Variants in P3H2 observed in about 807,000 individuals in gnomAD.
P3H2 encodes the protein prolyl 3-hydroxylase 2.
P3H2 carries 80 observed loss-of-function variants against 87.0 expected under a neutral mutation model. That is an observed-to-expected ratio of 0.92 (90% CI 0.77 to 1.11). The LOEUF (loss-of-function observed/expected upper bound fraction) is 1.11. Among genes scored for constraint, P3H2 ranks in the 50% least tolerant of loss-of-function variants. P3H2 has a pLI of 0.00. For missense variants in P3H2, 1,001 were observed against 923.9 expected (o/e 1.08, Z -1.08); for synonymous variants, 367 against 359.3 (o/e 1.02, Z -0.24).
chr3:190,113,246 T>C (rs966654753), intron 1 of P3H2, among the ~76,000 whole-genome samples: 1 of 152,220 alleles, frequency 6.6e-6, no homozygotes, highest in Non-Finnish European at 1.5e-5. Flanking sequence ...TGCTTTCCCT[T>C]CTTGATTTGT....
intron 1 of P3H2, among the ~76,000 whole-genome samples, chr3:190,118,338 T>C (rs2108529234): frequency 6.6e-6 from 1 of 151,946 alleles, no homozygotes. Flanking sequence ...CTGCTAACCT[T>C]ACATCCGAGA....
intron 1 of P3H2, among the ~76,000 whole-genome samples, chr3:190,047,017 T>C (rs993288779): frequency 2.1e-5 from 3 of 140,492 alleles, no homozygotes; most frequent in Admixed American, 7.5e-5. Flanking sequence ...CTAGAATATA[T>C]AAGAAACTCA....
intron 1 of P3H2, among the ~76,000 whole-genome samples, chr3:190,102,741 C>T (rs897630834): frequency 6.6e-6 from 1 of 152,194 alleles, no homozygotes; most frequent in Non-Finnish European, 1.5e-5. Flanking sequence ...GAATTGACCA[C>T]TTTGGAAAGA....
chr3:190,016,951 T>C (rs973222998), intron 1 of P3H2, among the ~76,000 whole-genome samples: 8 of 152,228 alleles, frequency 5.3e-5, no homozygotes, highest in African/African-American at 4.8e-5. Context: ...CCATTCCAGA[T>C]AGATCTAAGG....
chr3:190,107,037 G>A (rs1323584587), intron 1 of P3H2, among the ~76,000 whole-genome samples: 1 of 152,070 alleles, frequency 6.6e-6, no homozygotes, highest in Non-Finnish European at 1.5e-5. Context: ...GACTTTTTAA[G>A]TCTGTTAAAG....
chr3:190,069,141 G>T (rs148243590), intron 1 of P3H2, among the ~76,000 whole-genome samples: 71 of 152,152 alleles, frequency 4.7e-4, no homozygotes, highest in Non-Finnish European at 7.6e-4. Flanking sequence ...AAATACTTGG[G>T]TAATTAAGGA....
chr3:190,089,348 C>A (rs150726669), intron 1 of P3H2, among the ~76,000 whole-genome samples: 2 of 152,104 alleles, frequency 1.3e-5, no homozygotes, highest in African/African-American at 4.8e-5. Flanking sequence ...TGCACATGTA[C>A]GCTACAACTT....
chr3:190,100,940 T>G (rs1457563286), intron 1 of P3H2, among the ~76,000 whole-genome samples: 1 of 152,166 alleles, frequency 6.6e-6, no homozygotes, highest in African/African-American at 2.4e-5. Context: ...ACCCCATGTC[T>G]CAACGTTACA....
At chr3:190,056,661 A>G (rs1053460002) in intron 1 of P3H2, among the ~76,000 whole-genome samples, 1 of 152,188 alleles carries the variant, frequency 6.6e-6, no homozygotes, top group Non-Finnish European at 1.5e-5. Context: ...GGGTCCATAG[A>G]AATGACAGAG....
At position 190,032,501 on chromosome 3, in the gene P3H2, G is replaced by A. The variant is rs187302534; in HGVS notation, c.481-37059C>T. On this transcript the variant is annotated intron_variant, in intron 1 of 14. Transcript: ENST00000319332. ...AGGAGGAAGAGAAGGATGAGAAAGAGGAAAAGGATAGGAAGGAGAGGAGAA... is the reference window on the plus strand; with the variant it reads ...AGGAGGAAGAGAAGGATGAGAAAGAAGAAAAGGATAGGAAGGAGAGGAGAA... 1.1e-3 allele frequency among the ~76,000 whole-genome samples: 172 copies of A among 152,218 alleles called. 1 individual carries two copies. Among genetic ancestry groups the A allele is most frequent in the Non-Finnish European group, 1.7e-3 (113 of 68,018 alleles).
At chr3:190,003,448 A>G (rs550024536) in intron 1 of P3H2, among the ~76,000 whole-genome samples, 1 of 152,044 alleles carries the variant, frequency 6.6e-6, no homozygotes, top group Non-Finnish European at 1.5e-5. Context: ...ACTTTTAAAC[A>G]TACTATTTCC....
intron 1 of P3H2, among the ~76,000 whole-genome samples, chr3:190,100,848 T>C (rs537208648): frequency 8.5e-5 from 13 of 152,224 alleles, no homozygotes; most frequent in Non-Finnish European, 1.6e-4. Flanking sequence ...TTTCCAGATA[T>C]TGTTTTTCAC....
intron 1 of P3H2, among the ~76,000 whole-genome samples, chr3:190,003,586 T>C (rs1724287143): frequency 6.6e-6 from 1 of 152,130 alleles, no homozygotes; most frequent in African/African-American, 2.4e-5. Context: ...GTGTATTGTC[T>C]AACTTCCTAC....
chr3:190,027,624 CTTTTT>C (rs539796963), intron 1 of P3H2, among the ~76,000 whole-genome samples: 8 of 136,756 alleles, frequency 5.8e-5, no homozygotes, highest in Admixed American at 2.2e-4. Flanking sequence ...CGGTTTTTAC[CTTTTT>C]TTTTTTTTTT....
chr3:190,031,401 G>A (rs1449192148), intron 1 of P3H2, among the ~76,000 whole-genome samples: 1 of 151,238 alleles, frequency 6.6e-6, no homozygotes, highest in Admixed American at 6.6e-5. Context: ...ACTTTTGGAG[G>A]CCAAGACAGG....
At chr3:190,073,278 C>T (rs1301374826) in intron 1 of P3H2, among the ~76,000 whole-genome samples, 1 of 152,202 alleles carries the variant, frequency 6.6e-6, no homozygotes, top group African/African-American at 2.4e-5. Context: ...CCTAGATTCA[C>T]AGCAAAGCTG....
intron 1 of P3H2, among the ~76,000 whole-genome samples, chr3:190,043,576 T>G (rs1459865968): frequency 1.3e-5 from 2 of 152,206 alleles, no homozygotes; most frequent in Admixed American, 1.3e-4. Flanking sequence ...GAGGTATAAC[T>G]GGTAAACAGG....
rs572882341 is a variant in P3H2, at chr3:190,030,012, A to G, written c.481-34570T>C. Reference sequence around the variant, plus strand: ...AGTTAAACTCCGTCTCAAAAAAAAAAAGAAAAAAAAAGAAAAAAAGATAAT... The same window carrying G: ...AGTTAAACTCCGTCTCAAAAAAAAAGAGAAAAAAAAAGAAAAAAAGATAAT... On this transcript the variant is annotated intron_variant, in intron 1 of 14. Coordinates refer to ENST00000319332, the MANE Select transcript of P3H2 (RefSeq NM_018192.4). Among the ~76,000 whole-genome samples the G allele has an allele frequency of 5.2e-3, 783 of 151,866 alleles. 10 individuals are homozygous for G. Among genetic ancestry groups the G allele is most frequent in the African/African-American group, 0.018 (732 of 41,340 alleles).
In P3H2 at chr3:189,969,839, G is replaced by C. The variant is rs1476011621; in HGVS notation, c.1893+977C>G. ...ACCAATTATTCCAATCTTCATGGCA[G>C]TGGTGGTGGTGCTTGAGGCCATGTC... On this transcript the variant is annotated intron_variant, in intron 13 of 14. Transcript: ENST00000319332. The C allele has an allele frequency of 5.9e-6, 9 of 1,522,688 alleles. No individual in the cohort carries two copies. In the Admixed American group the frequency reaches 1.5e-4, roughly 25 times the overall value. 94.3% of individuals were successfully genotyped at this position (1,522,688 alleles called of 1,614,324 possible).
Sources: gnomAD v4.1 joint callset for allele counts (sites outside exome capture counted in the v4.1 genomes callset) on GRCh38, gnomAD v4.1.1 for gene constraint, MANE v1.5 for transcripts, NCBI Gene and HGNC (gene_info 2026-07-23, HGNC 2026-07-21) for gene names.